USP15: variants seen among roughly 807,000 people sequenced by gnomAD.
USP15 encodes the protein ubiquitin specific peptidase 15.
In USP15, 18 loss-of-function variants were observed where a neutral mutation model predicts 127.1. The ratio of observed to expected loss-of-function variants is 0.14; its 90% CI spans 0.10 to 0.21. The LOEUF is 0.21. USP15 is among the 10% of genes least tolerant of loss of function. USP15 has a pLI of 1.00. For missense variants in USP15, 805 were observed against 1,159.9 expected, an observed-to-expected ratio of 0.69 and a Z score of 4.44; for synonymous variants, 364 against 393.7, an observed-to-expected ratio of 0.92 and a Z score of 0.89.
intron 1 of USP15, chr12:62,277,486 A>G (rs1407325652): frequency 6.6e-6 from 1 of 152,096 alleles, no homozygotes; most frequent in African/African-American, 2.4e-5. Flanking sequence ...TGGCATATAA[A>G]AGATTTTTTT....
chr12:62,269,392 A>G (rs1440502940), intron 1 of USP15, among the ~76,000 whole-genome samples: 3 of 151,978 alleles, frequency 2.0e-5, no homozygotes, highest in African/African-American at 7.3e-5. Flanking sequence ...CTAAACATAG[A>G]AAAGGTAGAG....
At chr12:62,335,817 T>C (rs1162907503) in intron 6 of USP15, 1 of 985,292 alleles carries the variant, frequency 1.0e-6, no homozygotes, top group Non-Finnish European at 1.2e-6. Context: ...TAACCTAGTT[T>C]ATTTGACCTG....
At chr12:62,296,916 A>G (rs544294645) in intron 2 of USP15, among the ~76,000 whole-genome samples, 8 of 152,304 alleles carry the variant, frequency 5.3e-5, no homozygotes, top group African/African-American at 1.4e-4. Flanking sequence ...CTAAAAAAAA[A>G]TTTTGATCAC....
At chr12:62,400,447 G>C (rs889379818) in intron 20 of USP15, among the ~76,000 whole-genome samples, 11 of 151,734 alleles carry the variant, frequency 7.2e-5, no homozygotes, top group African/African-American at 2.4e-4. Context: ...ATTGAACATA[G>C]TACTCAGCAC....
At chr12:62,290,835 C>T (rs2063943778) in intron 1 of USP15, among the ~76,000 whole-genome samples, 1 of 152,006 alleles carries the variant, frequency 6.6e-6, no homozygotes, top group South Asian at 2.1e-4. Context: ...GATTGTTTTT[C>T]TAGGAAAGAC....
intron 1 of USP15, among the ~76,000 whole-genome samples, chr12:62,274,927 A>G (rs982518627): frequency 1.3e-5 from 2 of 152,184 alleles, no homozygotes; most frequent in Admixed American, 6.6e-5. Context: ...TCAAGCAGCT[A>G]TCATAGTAAT....
chr12:62,344,087 C>T (rs962564051), intron 6 of USP15, among the ~76,000 whole-genome samples: 2 of 152,156 alleles, frequency 1.3e-5, no homozygotes, highest in Non-Finnish European at 2.9e-5. Context: ...CAAAACCAGT[C>T]ATGCCCTCCC....
intron 6 of USP15, among the ~76,000 whole-genome samples, chr12:62,329,129 C>T (rs2065211639): frequency 6.6e-6 from 1 of 151,958 alleles, no homozygotes; most frequent in African/African-American, 2.4e-5. Flanking sequence ...GGCATGGTGG[C>T]TTATGCCTGT....
intron 19 of USP15, 30 bp from the exon 20 acceptor site, chr12:62,396,265 A>G (rs1317890112): frequency 1.3e-6 from 2 of 1,538,366 alleles, no homozygotes; most frequent in Non-Finnish European, 1.7e-6. Flanking sequence ...GGGACAACAT[A>G]AAAATTAACT....
chr12:62,374,376 C>A, intron 8 of USP15: 1 of 985,608 alleles, frequency 1.0e-6, no homozygotes, highest in Non-Finnish European at 1.2e-6. Context: ...AGTTTGTTTT[C>A]TTTCCTGTTC....
intron 19 of USP15, chr12:62,393,514 G>C (rs144865973): frequency 8.3e-4 from 161 of 194,494 alleles, no homozygotes; most frequent in African/African-American, 3.6e-3. Context: ...ATGGTACTTA[G>C]TGATTTTGTT....
chr12:62,371,267 C>G (rs1421822438), intron 8 of USP15, among the ~76,000 whole-genome samples: 1 of 152,102 alleles, frequency 6.6e-6, no homozygotes, highest in East Asian at 1.9e-4. Flanking sequence ...ATACTGTTAC[C>G]GCTTCCCTAC....
chr12:62,333,440 T>G (rs190228116), intron 6 of USP15, among the ~76,000 whole-genome samples: 2 of 151,894 alleles, frequency 1.3e-5, no homozygotes, highest in African/African-American at 4.8e-5. Context: ...AATTTTTGGG[T>G]TTTTTTGTTC....
chr12:62,302,337 C>CT (rs1271665205), intron 2 of USP15, among the ~76,000 whole-genome samples: 1 of 152,164 alleles, frequency 6.6e-6, no homozygotes, highest in Non-Finnish European at 1.5e-5. Context: ...AGTCTCTTGA[C>CT]TAACAGTTAC....
intron 8 of USP15, among the ~76,000 whole-genome samples, chr12:62,356,630 T>C (rs1426886510): frequency 2.0e-5 from 3 of 152,014 alleles, no homozygotes; most frequent in Non-Finnish European, 4.4e-5. Context: ...GATAGGTTAA[T>C]ATATAGGTTA....
At chr12:62,374,179 A>T (rs2066756886) in intron 8 of USP15, among the ~76,000 whole-genome samples, 2 of 152,046 alleles carry the variant, frequency 1.3e-5, no homozygotes, top group Admixed American at 6.6e-5. Flanking sequence ...GGATTACTTC[A>T]AGTTTTATTT....
At chr12:62,265,911 G>T (rs1321602816) in intron 1 of USP15, among the ~76,000 whole-genome samples, 2 of 152,078 alleles carry the variant, frequency 1.3e-5, no homozygotes, top group African/African-American at 4.8e-5. Flanking sequence ...AAAAAGAAAA[G>T]AACCTATTTT....
chr12:62,382,024 A>G (rs1159029648), intron 9 of USP15, among the ~76,000 whole-genome samples: 2 of 151,996 alleles, frequency 1.3e-5, no homozygotes, highest in Non-Finnish European at 2.9e-5. Context: ...CTATGTGAAT[A>G]TTCTATACAA....
chr12:62,288,419 A>G (rs894506387), intron 1 of USP15, among the ~76,000 whole-genome samples: 2 of 137,930 alleles, frequency 1.5e-5, no homozygotes, highest in Non-Finnish European at 3.0e-5. Flanking sequence ...GATTGTTACT[A>G]GTGTATAAAA....
Sources: gnomAD v4.1 joint callset for allele counts (sites outside exome capture counted in the v4.1 genomes callset) on GRCh38, gnomAD v4.1.1 for gene constraint, MANE v1.5 for transcripts, NCBI Gene and HGNC (gene_info 2026-07-23, HGNC 2026-07-21) for gene names.